Variants in KIRREL3 observed in about 807,000 individuals in gnomAD.
The protein encoded by KIRREL3 is kin of IRRE-like protein 3.
In KIRREL3, 36 loss-of-function variants were observed where a neutral mutation model predicts 89.7. That is an observed-to-expected ratio of 0.40 (90% CI 0.31 to 0.53). The LOEUF (loss-of-function observed/expected upper bound fraction) is 0.53, where lower values mean the gene tolerates loss of function less well. Among genes scored for constraint, KIRREL3 ranks in the 20% least tolerant of loss-of-function variants. KIRREL3 has a pLI of 0.49. For synonymous variants in KIRREL3, 445 were observed against 441.4 expected (o/e 1.01, Z -0.10); for missense variants, 864 against 1,056.6 (o/e 0.82, Z 2.53).
At chr11:126,621,495 C>T (rs751143288) in intron 1 of KIRREL3, among the ~76,000 whole-genome samples, 9 of 152,076 alleles carry the variant, frequency 5.9e-5, no homozygotes, top group Admixed American at 1.3e-4. Flanking sequence ...ATCTTAAAAG[C>T]GTGTGAGAGG....
intron 4 of KIRREL3, among the ~76,000 whole-genome samples, chr11:126,478,476 T>C (rs1957126645): frequency 6.6e-6 from 1 of 152,196 alleles, no homozygotes; most frequent in Non-Finnish European, 1.5e-5. Context: ...TATCATGGGC[T>C]TTGGCTTCTG....
intron 4 of KIRREL3, among the ~76,000 whole-genome samples, chr11:126,487,970 T>C (rs144732471): frequency 2.0e-3 from 309 of 152,168 alleles, no homozygotes; most frequent in African/African-American, 6.3e-3. Flanking sequence ...AAGGCGGAGG[T>C]GGAGGGAGGG....
chr11:126,842,308 T>A (rs1943990466), intron 1 of KIRREL3, among the ~76,000 whole-genome samples: 1 of 152,120 alleles, frequency 6.6e-6, no homozygotes, highest in African/African-American at 2.4e-5. Context: ...TCTAAGCAAT[T>A]TCTATGAGCT....
chr11:126,752,099 C>T lies in KIRREL3; in HGVS notation c.56-189187G>A, dbSNP rs1949353480. ...TGAGTTGCTTCATCTCCTTGTGTGT[C>T]AGCTTTTTCTTTGCAAAATAGGAAC... On this transcript the variant is annotated intron_variant, in intron 1 of 16. Transcript: ENST00000525144. The surrounding 1 kb of genome is among the most constrained non-coding windows in gnomAD (Gnocchi z 4.8). 6.6e-6 allele frequency among the ~76,000 whole-genome samples: 1 copy of T among 152,182 alleles called. No homozygotes were observed. Among genetic ancestry groups the T allele is most frequent in the Non-Finnish European group, 1.5e-5 (1 of 68,042 alleles).
chr11:126,676,375 T>C lies in KIRREL3; in HGVS notation c.56-113463A>G, dbSNP rs1946187766. Among the ~76,000 whole-genome samples, 1 of 152,170 alleles carries C rather than the reference T, an allele frequency of 6.6e-6. No homozygotes were observed. Among genetic ancestry groups the C allele is most frequent in the Non-Finnish European group, 1.5e-5 (1 of 68,030 alleles). ...TGAAGTCTGTCCCATCTGTCCTATC[T>C]CAGTTCAGGCTAGAATTCTCTCCTA... On this transcript the variant is annotated intron_variant, in intron 1 of 16. Transcript: ENST00000525144. This position sits in a 1 kb window ranked among gnomAD's most constrained non-coding sequence, Gnocchi z 4.5.
rs1944371809 is a variant in KIRREL3 at position 126,639,051 on chromosome 11, C to T, written c.56-76139G>A. ...TTGAAAGGCATCTCTATTTATCTCG[C>T]TGGTGTTTCTCAGTCCTGGGCTGCA... On this transcript the variant is annotated intron_variant, in intron 1 of 16. Coordinates refer to ENST00000525144, the MANE Select transcript of KIRREL3 (RefSeq NM_032531.4). This position sits in a 1 kb window ranked among gnomAD's most constrained non-coding sequence, Gnocchi z 4.3. Among the ~76,000 whole-genome samples the T allele has an allele frequency of 6.6e-6, 1 of 152,114 alleles. No individual in the cohort carries two copies. The highest frequency in any genetic ancestry group is 6.5e-5 in the Admixed American group (1 of 15,270).
chr11:127,001,796 C>T (rs560474731), upstream of KIRREL3, among the ~76,000 whole-genome samples: 1 of 151,676 alleles, frequency 6.6e-6, no homozygotes, highest in East Asian at 1.9e-4. Flanking sequence ...CCTTCAGAAG[C>T]TCATAATCTA....
At chr11:126,534,181 G>A (rs1299111296) in intron 2 of KIRREL3, among the ~76,000 whole-genome samples, 1 of 151,784 alleles carries the variant, frequency 6.6e-6, no homozygotes, top group Non-Finnish European at 1.5e-5. Flanking sequence ...TGGAAGCCTT[G>A]GCCAGCTGCT....
At chr11:126,542,996 AC>A (rs1342958679) in intron 2 of KIRREL3, among the ~76,000 whole-genome samples, 2 of 152,146 alleles carry the variant, frequency 1.3e-5, no homozygotes, top group East Asian at 3.9e-4. Flanking sequence ...CCTTCATAGC[AC>A]CCCGTGGAGC....
intron 1 of KIRREL3, among the ~76,000 whole-genome samples, chr11:126,706,384 G>A (rs1947529895): frequency 6.6e-6 from 1 of 152,178 alleles, no homozygotes; most frequent in Non-Finnish European, 1.5e-5. Context: ...CTGGGGACAT[G>A]CAAATATCGT....
rs1943026862 is a variant in KIRREL3, at chr11:126,609,389, G to A, written c.56-46477C>T. On this transcript the variant is annotated intron_variant, in intron 1 of 16. Transcript: ENST00000525144. This position sits in a 1 kb window ranked among gnomAD's most constrained non-coding sequence, Gnocchi z 5.0. ...TTTATGATTTCCTTTCGTCTCTCCT[G>A]AGTATGACAACTGTGGTTAAGCAAC... Among the ~76,000 whole-genome samples, 1 of 152,184 alleles carries A rather than the reference G, an allele frequency of 6.6e-6. No homozygotes were observed. The highest frequency in any genetic ancestry group is 6.5e-5 in the Admixed American group (1 of 15,274).
intron 1 of KIRREL3, among the ~76,000 whole-genome samples, chr11:126,945,707 C>T (rs959626095): frequency 2.0e-5 from 3 of 152,116 alleles, no homozygotes; most frequent in East Asian, 3.9e-4. Flanking sequence ...CTTATAATGG[C>T]GGGAAAAGAG....
At position 126,441,126 on chromosome 11, in the gene KIRREL3, G is replaced by A. The variant is rs1014815810; in HGVS notation, c.1253-577C>T. ...CACCCCGGACAGGGGGAATGCATGC[G>A]CTGGCCGTGTTCACAGCCCTCCTCC... is the stretch of plus-strand genomic sequence containing the variant. On this transcript the variant is annotated intron_variant, in intron 10 of 16. Coordinates refer to ENST00000525144, the MANE Select transcript of KIRREL3 (RefSeq NM_032531.4). The surrounding 1 kb of genome is among the most constrained non-coding windows in gnomAD (Gnocchi z 5.0). Among the ~76,000 whole-genome samples, 20 of 152,222 alleles carry A rather than the reference G, an allele frequency of 1.3e-4. No homozygotes were observed. The highest frequency in any genetic ancestry group is 4.6e-4 in the African/African-American group (19 of 41,462).
chr11:126,448,999 C>G lies in KIRREL3; in HGVS notation c.997+10G>C, dbSNP rs752850842. The G allele has an allele frequency of 5.0e-6, 8 of 1,600,406 alleles. No individual in the cohort carries two copies. The Admixed American group carries it at 1.3e-4, about 27-fold the overall frequency. On this transcript the variant is annotated intron_variant, in intron 8 of 16. Coordinates refer to ENST00000525144, the MANE Select transcript of KIRREL3 (RefSeq NM_032531.4). ...TGCTCGCCTGGGGAAGCCTGCACCACTGCACTCACAGTAGACGTCAACCGT... is the reference window on the plus strand; with the variant it reads ...TGCTCGCCTGGGGAAGCCTGCACCAGTGCACTCACAGTAGACGTCAACCGT...
chr11:126,861,168 T>C (rs1303884222), intron 1 of KIRREL3, among the ~76,000 whole-genome samples: 1 of 152,204 alleles, frequency 6.6e-6, no homozygotes, highest in African/African-American at 2.4e-5. Context: ...TTTACCTCTT[T>C]GAAGGCTTGG....
intron 1 of KIRREL3, among the ~76,000 whole-genome samples, chr11:126,613,874 T>C (rs1483467546): frequency 2.6e-5 from 1 of 37,890 alleles, no homozygotes; most frequent in Non-Finnish European, 6.8e-5. Context: ...ACTGTTGCTT[T>C]TTTTTTTTTT....
At chr11:126,809,579 C>A (rs565221076) in intron 1 of KIRREL3, among the ~76,000 whole-genome samples, 1 of 152,286 alleles carries the variant, frequency 6.6e-6, no homozygotes, top group East Asian at 1.9e-4. Context: ...GTCTTTAGAC[C>A]AGTAACTTTA....
intron 1 of KIRREL3, among the ~76,000 whole-genome samples, chr11:126,894,960 G>C (rs762184026): frequency 6.6e-6 from 1 of 151,966 alleles, no homozygotes; most frequent in African/African-American, 2.4e-5. Context: ...AGGGTCCTGA[G>C]ATAAGATCAT....
In KIRREL3 at chr11:126,905,641, C is replaced by T. The variant is rs905849176; in HGVS notation, c.55+94814G>A. ...CTGCACAGTGGCTTGGTGTGTGATTCGGTGTGCTAAATGGCATGTCTCCAT... is the reference window on the plus strand; with the variant it reads ...CTGCACAGTGGCTTGGTGTGTGATTTGGTGTGCTAAATGGCATGTCTCCAT... On this transcript the variant is annotated intron_variant, in intron 1 of 16. Coordinates refer to ENST00000525144, the MANE Select transcript of KIRREL3 (RefSeq NM_032531.4). The surrounding 1 kb of genome is among the most constrained non-coding windows in gnomAD (Gnocchi z 5.0). 3.3e-5 allele frequency among the ~76,000 whole-genome samples: 5 copies of T among 152,080 alleles called. No homozygotes were observed. The highest frequency in any genetic ancestry group is 9.7e-5 in the African/African-American group (4 of 41,414).
Sources: allele counts gnomAD v4.1 joint callset (sites outside exome capture counted in the v4.1 genomes callset), GRCh38; gene constraint gnomAD v4.1.1; non-coding constraint Gnocchi (gnomAD v3.1); transcripts MANE v1.5; gene names NCBI Gene and HGNC (gene_info 2026-07-23, HGNC 2026-07-21).